CATSPERD: variants seen among roughly 807,000 people sequenced by gnomAD.
The protein encoded by CATSPERD is catsper channel auxiliary subunit delta, also known as cation channel sperm-associated auxiliary subunit delta.
In CATSPERD, 86 loss-of-function variants were observed where a neutral mutation model predicts 98.1. That is an observed-to-expected ratio of 0.88 (90% confidence interval 0.74 to 1.05). The LOEUF (loss-of-function observed/expected upper bound fraction) is 1.05, where lower values mean the gene tolerates loss of function less well. Among genes scored for constraint, CATSPERD ranks in the 50% least tolerant of loss-of-function variants. CATSPERD has a pLI of 0.00. For synonymous variants in CATSPERD, 394 were observed against 390.2 expected (o/e 1.01, Z -0.12); for missense variants, 995 against 1,005.7 (o/e 0.99, Z 0.14).
chr19:5,723,037 A>T (rs1226236227), intron 1 of CATSPERD, among the ~76,000 whole-genome samples: 1 of 151,406 alleles, frequency 6.6e-6, no homozygotes, highest in East Asian at 2.0e-4. Flanking sequence ...AAATACAAAA[A>T]ATTAGTCGGT....
intron 13 of CATSPERD, among the ~76,000 whole-genome samples, chr19:5,754,766 C>G (rs1049903698): frequency 6.6e-6 from 1 of 152,014 alleles, no homozygotes; most frequent in Non-Finnish European, 1.5e-5. Context: ...GGCTGTCCAG[C>G]TGGCCGCCTG....
intron 13 of CATSPERD, 94 bp downstream of exon 13, chr19:5,754,339 A>C: frequency 1.4e-6 from 1 of 733,446 alleles, no homozygotes; most frequent in Non-Finnish European, 2.4e-6. Flanking sequence ...CATCCCCCAC[A>C]AGGAGAGACG....
At chr19:5,726,692 A>G (rs2055610694) in intron 2 of CATSPERD, among the ~76,000 whole-genome samples, 3 of 152,048 alleles carry the variant, frequency 2.0e-5, no homozygotes, top group African/African-American at 7.2e-5. Flanking sequence ...CACCCTGTGA[A>G]TTAAAAAAAC....
intron 11 of CATSPERD, among the ~76,000 whole-genome samples, chr19:5,751,120 C>G (rs1388030687): frequency 6.3e-5 from 9 of 142,922 alleles, no homozygotes; most frequent in African/African-American, 2.3e-4. Flanking sequence ...ATCGCTTGAA[C>G]CCGGGAGGCG....
At chr19:5,771,184 G>A (rs1440259957) in intron 19 of CATSPERD, 112 bp downstream of exon 19, 4 of 1,209,150 alleles carry the variant, frequency 3.3e-6, no homozygotes, top group Non-Finnish European at 4.6e-6. Context: ...TCAAAATGAT[G>A]ATGGTCACTG....
intron 19 of CATSPERD, 94 bp from the exon 20 acceptor site, chr19:5,772,694 C>A: frequency 7.6e-7 from 1 of 1,307,272 alleles, no homozygotes; most frequent in Non-Finnish European, 1.1e-6. Flanking sequence ...TCCCACCCCC[C>A]AAGCGGTTTT....
Position 5,751,699 on chromosome 19 carries a change from C to G in CATSPERD, c.1040C>G (p.Pro347Arg), listed in dbSNP as rs1159845822. ...SEDVALMFRS[P>R]GTLEILTPLR... ...GACGTGGCCCTGATGTTCAGGAGCCCAGGGACTCTGGAAATACTGACCCCA... is the reference window on the plus strand; with the variant it reads ...GACGTGGCCCTGATGTTCAGGAGCCGAGGGACTCTGGAAATACTGACCCCA... The change falls in exon 12 of 22, where the codon CCA becomes CGA. Residue 347 changes from proline to arginine, a missense_variant. Physicochemically the swap from Pro to Arg is moderately radical, Grantham distance 103. Coordinates refer to ENST00000381624, the MANE Select transcript of CATSPERD (RefSeq NM_152784.4). 6.2e-7 allele frequency: 1 copy of G among 1,613,622 alleles called. No homozygotes were observed. The highest frequency in any genetic ancestry group is 1.7e-4 in the Middle Eastern group (1 of 6,008).
At chr19:5,742,241 T>C (rs61494998) in intron 7 of CATSPERD, among the ~76,000 whole-genome samples, 5,647 of 151,244 alleles carry the variant, frequency 0.037, 319 homozygotes, top group African/African-American at 0.12. Flanking sequence ...TGTGTGTACG[T>C]ATGTGAATGT....
At chr19:5,724,694 G>A (rs1183095764) in intron 1 of CATSPERD, 114 bp from the exon 2 acceptor site, 6 of 1,064,542 alleles carry the variant, frequency 5.6e-6, no homozygotes, top group African/African-American at 1.6e-5. Context: ...GTGAGACTCC[G>A]TCCCCCCCAA....
At chr19:5,753,370 C>T in intron 12 of CATSPERD, 1 of 167,330 alleles carries the variant, frequency 6.0e-6, no homozygotes, top group East Asian at 1.9e-4. Flanking sequence ...ACCTTCCTGG[C>T]TAACAGTGAA....
rs931975416 is a variant in CATSPERD at position 5,776,075 on chromosome 19, G to A, written c.1942-86G>A. On this transcript the variant is annotated intron_variant, in intron 20 of 21. Transcript: ENST00000381624. ...TGCGTGCCTAATGAGGACTGGGGTGGGTGCAGGGCCTCCGCAGGGAGGAGG... is the reference window on the plus strand; with the variant it reads ...TGCGTGCCTAATGAGGACTGGGGTGAGTGCAGGGCCTCCGCAGGGAGGAGG... The A allele has an allele frequency of 1.4e-4, 200 of 1,443,188 alleles. No homozygotes were observed. The Middle Eastern group carries it at 2.9e-3, about 21-fold the overall frequency. 89.4% of individuals were successfully genotyped at this position (1,443,188 alleles called of 1,614,324 possible). A position where few individuals can be genotyped will look rare whatever the true frequency, so the allele number is the denominator to read the frequency against.
rs201522895 is a variant in CATSPERD at position 5,778,530 on chromosome 19, C to T, written c.2251C>T (p.Arg751Cys). ...YKTPKLLRTA[R>C]GRRIKKCATQ... is the part of the protein sequence containing the mutation. Reference sequence around the variant, plus strand: ...GACCCCCAAGCTGCTACGCACAGCACGCGGCCGCAGGATCAAGAAGTGTGC... The same window carrying T: ...GACCCCCAAGCTGCTACGCACAGCATGCGGCCGCAGGATCAAGAAGTGTGC... The change falls in exon 22 of 22, where the codon CGC becomes TGC. Residue 751 changes from arginine to cysteine, a missense_variant. Arg to Cys is a radical substitution (Grantham distance 180). Around this residue, in one of 3 missense-constraint regions of CATSPERD, gnomAD observed 762 missense variants for 773.7 expected, o/e 0.98. Transcript: ENST00000381624. 28 of 1,613,998 alleles carry T rather than the reference C, an allele frequency of 1.7e-5. No homozygotes were observed. The African/African-American group carries it at 2.5e-4, about 15-fold the overall frequency.
In CATSPERD at chr19:5,727,307, A is replaced by G; in HGVS notation, c.166A>G (p.Lys56Glu). Residue 56 changes from lysine to glutamate, a missense_variant, in exon 3 of 22, where the codon AAA becomes GAA. Coordinates refer to ENST00000381624, the MANE Select transcript of CATSPERD (RefSeq NM_152784.4). ...YFHPTTTRLI[K>E]HPCEKNIALY... Reference sequence around the variant, plus strand: ...TCATCCTACAACAACACGCTTGATTAAACATCCTTGCGAGAAAAATATAGC... The same window carrying G: ...TCATCCTACAACAACACGCTTGATTGAACATCCTTGCGAGAAAAATATAGC... 6.2e-7 allele frequency: 1 copy of G among 1,613,842 alleles called. No individual in the cohort carries two copies. Among genetic ancestry groups the G allele is most frequent in the Non-Finnish European group, 8.5e-7 (1 of 1,179,730 alleles).
intron 1 of CATSPERD, among the ~76,000 whole-genome samples, chr19:5,721,556 G>A (rs1375650800): frequency 6.6e-6 from 1 of 152,226 alleles, no homozygotes; most frequent in East Asian, 1.9e-4. Flanking sequence ...CTCCCATCTG[G>A]ACTAAACTGT....
At chr19:5,756,296 TTAAA>T (rs2056323747) in intron 13 of CATSPERD, among the ~76,000 whole-genome samples, 1 of 142,482 alleles carries the variant, frequency 7.0e-6, no homozygotes, top group Non-Finnish European at 1.6e-5. Context: ...AAAAAAAAAA[TTAAA>T]TAAATAAATA....
chr19:5,747,609 T>C (rs1294818695), intron 9 of CATSPERD, among the ~76,000 whole-genome samples: 4 of 121,944 alleles, frequency 3.3e-5, no homozygotes, highest in Admixed American at 1.2e-4. Context: ...TTTTTTCTTT[T>C]CTTTTTTTTT....
Position 5,751,765 on chromosome 19 carries a change from G to A in CATSPERD, c.1106G>A (p.Cys369Tyr), listed in dbSNP as rs1250999647. 2.5e-6 allele frequency: 4 copies of A among 1,613,742 alleles called. No homozygotes were observed. The highest frequency in any genetic ancestry group is 8.5e-7 in the Non-Finnish European group (1 of 1,179,920). The change falls in exon 12 of 22, where the codon TGC becomes TAC. Residue 369 changes from cysteine to tyrosine, a missense_variant. Cys to Tyr is a radical substitution (Grantham distance 194, BLOSUM62 -2). Around this residue, in one of 3 missense-constraint regions of CATSPERD, gnomAD observed 762 missense variants for 773.7 expected, o/e 0.98. Coordinates refer to ENST00000381624, the MANE Select transcript of CATSPERD (RefSeq NM_152784.4). ...TAFPAFDFQK[C>Y]LVNIQALLMD... ...TTTCCAGCTTTTGATTTCCAGAAGTGCCTCGTGAATATCCAGGCGCTTCTC... is the reference window on the plus strand; with the variant it reads ...TTTCCAGCTTTTGATTTCCAGAAGTACCTCGTGAATATCCAGGCGCTTCTC...
chr19:5,740,892 C>G (rs1283026905), intron 7 of CATSPERD, among the ~76,000 whole-genome samples: 1 of 151,842 alleles, frequency 6.6e-6, no homozygotes, highest in Non-Finnish European at 1.5e-5. Flanking sequence ...AAATACCAGC[C>G]TGGGCAATAC....
chr19:5,762,448 A>G (rs978975672), intron 15 of CATSPERD, among the ~76,000 whole-genome samples: 3 of 152,064 alleles, frequency 2.0e-5, no homozygotes, highest in African/African-American at 7.2e-5. Context: ...CCATGATCCA[A>G]TCACCTCCCA....
Sources: allele counts gnomAD v4.1 joint callset (sites outside exome capture counted in the v4.1 genomes callset), GRCh38; gene constraint gnomAD v4.1.1; regional missense constraint gnomAD v4.1.1; transcripts MANE v1.5; gene names NCBI Gene and HGNC (gene_info 2026-07-23, HGNC 2026-07-21).